The following CPT1A variants were observed in gnomAD, a reference collection of about 807,000 sequenced individuals.
CPT1A encodes the protein carnitine O-palmitoyltransferase 1, liver isoform.
Under a neutral mutation model 100.8 loss-of-function variants are expected in CPT1A, and 64 were observed. That is an observed-to-expected ratio of 0.63 (90% CI 0.52 to 0.78). The LOEUF is 0.78. Ranked by LOEUF, CPT1A falls within the 30% of genes least tolerant of loss-of-function variation. The probability of loss-of-function intolerance (pLI) is 0.00; values close to 1 mark genes in which losing one functional copy is unlikely to be tolerated. For missense variants in CPT1A, 802 were observed against 1,034.1 expected, an observed-to-expected ratio of 0.78 and a Z score of 3.08; for synonymous variants, 363 against 396.0, an observed-to-expected ratio of 0.92 and a Z score of 0.99.
At chr11:68,776,894 T>C (rs1855156035) in intron 12 of CPT1A, among the ~76,000 whole-genome samples, 1 of 152,176 alleles carries the variant, frequency 6.6e-6, no homozygotes, top group Non-Finnish European at 1.5e-5. Flanking sequence ...AAAAATTAAG[T>C]TTTTTTAAAA....
intron 3 of CPT1A, among the ~76,000 whole-genome samples, chr11:68,809,872 A>T (rs573181232): frequency 6.6e-6 from 1 of 152,382 alleles, no homozygotes; most frequent in South Asian, 2.1e-4. Context: ...GAGCGCCTAC[A>T]CTAGAGAGTA....
chr11:68,813,684 A>C (rs1479342051), intron 2 of CPT1A, among the ~76,000 whole-genome samples: 1 of 139,146 alleles, frequency 7.2e-6, no homozygotes. Flanking sequence ...GCAACAGAGC[A>C]AGACCCTGTC....
At position 68,792,819 on chromosome 11, in the gene CPT1A, C is replaced by T. The variant is rs190184861; in HGVS notation, c.967+496G>A. ...ATCCCAGCACTTCGGGAGGCCGAAG[C>T]GGGCGGATCACTTGAGTCCAGGAGT... On this transcript the variant is annotated intron_variant, in intron 9 of 18. Coordinates refer to ENST00000265641, the MANE Select transcript of CPT1A (RefSeq NM_001876.4). Among the ~76,000 whole-genome samples the T allele has an allele frequency of 2.0e-5, 3 of 152,308 alleles. No homozygotes were observed. In the East Asian group the frequency reaches 5.8e-4, roughly 29 times the overall value.
chr11:68,839,438 G>T, intron 1 of CPT1A: 1 of 894,402 alleles, frequency 1.1e-6, no homozygotes, highest in African/African-American at 1.8e-5. Flanking sequence ...CCAGGCTGGC[G>T]CGTCCCAGGC....
chr11:68,803,665 T>A (rs1456276080), intron 5 of CPT1A, among the ~76,000 whole-genome samples: 3 of 151,406 alleles, frequency 2.0e-5, no homozygotes, highest in Non-Finnish European at 4.4e-5. Flanking sequence ...GAGCTGAGAT[T>A]GCACCACTGC....
chr11:68,785,294 G>A (rs1855427066), intron 9 of CPT1A, among the ~76,000 whole-genome samples: 1 of 152,138 alleles, frequency 6.6e-6, no homozygotes, highest in African/African-American at 2.4e-5. Flanking sequence ...GCTGGGAGTG[G>A]TGGCTCACGC....
rs1594315314 is a variant in CPT1A at position 68,760,279 on chromosome 11, C to T, written c.2088G>A (p.Leu696=). 5.0e-6 allele frequency: 8 copies of T among 1,612,978 alleles called. No individual in the cohort carries two copies. Among genetic ancestry groups the T allele is most frequent in the Non-Finnish European group, 6.8e-6 (8 of 1,179,776 alleles). Residue 696 remains leucine, a synonymous_variant, in exon 17 of 19, where the codon CTG becomes CTA. Transcript: ENST00000265641. ...ACTCTGGGTTATTCTCCAAGTCAAA[C>T]AGCTCCACTTGCTGCTGAGGGGTCT... ...TSQTPQQQVE[L]FDLENNPEYV...
In CPT1A at chr11:68,757,510, C is replaced by G. The variant is rs941471408; in HGVS notation, c.*134G>C. ...TACTGTTCTAGGAAAAAAAAACACCCACATTTTCTGGAAGGAAAACTGAGT... is the reference window on the plus strand; with the variant it reads ...TACTGTTCTAGGAAAAAAAAACACCGACATTTTCTGGAAGGAAAACTGAGT... On this transcript the variant is annotated 3_prime_UTR_variant, in exon 19 of 19. Coordinates refer to ENST00000265641, the MANE Select transcript of CPT1A (RefSeq NM_001876.4). 1.2e-5 allele frequency: 19 copies of G among 1,532,188 alleles called. No individual in the cohort carries two copies. In the African/African-American group the frequency reaches 2.2e-4, roughly 18 times the overall value. The allele number at this position is 1,532,188 out of a possible 1,614,324, so 94.9% of individuals were successfully genotyped here.
In CPT1A at chr11:68,812,314, A is replaced by T. The variant is rs1856235364; in HGVS notation, c.281+123T>A. 1.5e-5 allele frequency: 20 copies of T among 1,371,842 alleles called. No homozygotes were observed. The South Asian group carries it at 2.3e-4, about 16-fold the overall frequency. 85.0% of individuals were successfully genotyped at this position (1,371,842 alleles called of 1,614,324 possible). On this transcript the variant is annotated intron_variant, in intron 3 of 18. Coordinates refer to ENST00000265641, the MANE Select transcript of CPT1A (RefSeq NM_001876.4). The stretch of plus-strand genomic sequence containing the variant: ...GAGACAGGAAGAAAGCTGACGTGAG[A>T]ACAGCATCAGGAGCTTCATATGGAA...
chr11:68,833,619 G>A (rs1007087277), intron 1 of CPT1A, among the ~76,000 whole-genome samples: 25 of 152,146 alleles, frequency 1.6e-4, no homozygotes, highest in African/African-American at 5.8e-4. Flanking sequence ...TTAGCTGGGT[G>A]TGGTGGTGGG....
intron 11 of CPT1A, 92 bp from the exon 12 acceptor site, chr11:68,780,837 A>G: frequency 1.1e-6 from 1 of 928,286 alleles, no homozygotes; most frequent in South Asian, 1.3e-5. Context: ...GGATGGACTA[A>G]TTCACTTTGC....
chr11:68,810,052 C>T (rs1469167358), intron 3 of CPT1A, among the ~76,000 whole-genome samples: 1 of 152,186 alleles, frequency 6.6e-6, no homozygotes, highest in Non-Finnish European at 1.5e-5. Flanking sequence ...GTGGCATGTG[C>T]CTGCAGTCCC....
chr11:68,762,882 G>A (rs1854671280), intron 14 of CPT1A, 121 bp from the exon 15 acceptor site: 17 of 1,305,184 alleles, frequency 1.3e-5, no homozygotes, highest in East Asian at 1.2e-4. Flanking sequence ...TTTTTGAGAC[G>A]GGGTCTTGCT....
chr11:68,760,553 G>A (rs1469359535), intron 16 of CPT1A, among the ~76,000 whole-genome samples: 1 of 152,174 alleles, frequency 6.6e-6, no homozygotes, highest in African/African-American at 2.4e-5. Context: ...GTGCAGGGTG[G>A]GGGTGGGGGC....
At chr11:68,790,819 T>C (rs1855594820) in intron 9 of CPT1A, among the ~76,000 whole-genome samples, 1 of 151,952 alleles carries the variant, frequency 6.6e-6, no homozygotes. Context: ...TATTTTATTT[T>C]TATTTCATAT....
At chr11:68,798,201 G>A (rs1594348528) in intron 6 of CPT1A, among the ~76,000 whole-genome samples, 2 of 152,260 alleles carry the variant, frequency 1.3e-5, no homozygotes, top group African/African-American at 4.8e-5. Context: ...ACAGCCTGCT[G>A]GACCCAGGGA....
chr11:68,838,583 A>AAAAAAAAAAAAAAAAAAAAG (rs1857078446), intron 1 of CPT1A, among the ~76,000 whole-genome samples: 1 of 141,166 alleles, frequency 7.1e-6, no homozygotes, highest in Non-Finnish European at 1.5e-5. Flanking sequence ...AAAAAAAAAA[A>AAAAAAAAAAAAAAAAAAAAG]AAAAAAAACA....
rs750724610 is a variant in CPT1A at position 68,815,495 on chromosome 11, GAGA to G, written c.-13-11_-13-9del. On this transcript the variant is annotated splice_polypyrimidine_tract_variant and intron_variant, in intron 1 of 18. Coordinates refer to ENST00000265641, the MANE Select transcript of CPT1A (RefSeq NM_001876.4). ...GCCATCTTCAGAGAGTACCTGGAAG[GAGA>G]AGGAGAAAATGTAACACAGTGGAAC... The G allele has an allele frequency of 1.9e-5, 30 of 1,613,588 alleles. No homozygotes were observed. Among genetic ancestry groups the G allele is most frequent in the Middle Eastern group, 1.6e-4 (1 of 6,082 alleles).
rs752078516 is a variant in CPT1A at position 68,794,858 on chromosome 11, G to A, written c.825C>T (p.Ala275=). The A allele has an allele frequency of 1.2e-6, 2 of 1,614,228 alleles. No homozygotes were observed. Among genetic ancestry groups the A allele is most frequent in the Non-Finnish European group, 1.7e-6 (2 of 1,180,044 alleles). The part of the protein sequence containing the change: ...THIQAARAGN[A]IHAILLYRRK... ...GCCTGTAAAGCAGGATGGCATGGAT[G>A]GCGTTGCCGGCTCTTGCTGCCTGAA... Residue 275 remains alanine, a synonymous_variant, in exon 8 of 19, where the codon GCC becomes GCT. Transcript: ENST00000265641.
Sources: gnomAD v4.1 joint callset for allele counts (sites outside exome capture counted in the v4.1 genomes callset) on GRCh38, gnomAD v4.1.1 for gene constraint, MANE v1.5 for transcripts, NCBI Gene and HGNC (gene_info 2026-07-23, HGNC 2026-07-21) for gene names.